Variants in NAA38 observed in about 807,000 individuals in gnomAD.
NAA38 encodes the protein N-alpha-acetyltransferase 38, NatC auxiliary subunit.
A neutral mutation model predicts 12.6 loss-of-function variants in NAA38; 15 were observed. The observed-to-expected ratio is 1.19, with a 90% CI of 0.79 to 1.83. NAA38 has a LOEUF of 1.83. Ranked by LOEUF, NAA38 falls within the 40% of genes most tolerant of loss-of-function variation. The probability of loss-of-function intolerance (pLI) is 0.00; values close to 1 mark genes in which losing one functional copy is unlikely to be tolerated. For synonymous variants in NAA38, 88 were observed against 69.9 expected, an observed-to-expected ratio of 1.26 and a Z score of -1.29; for missense variants, 183 against 171.7, an observed-to-expected ratio of 1.07 and a Z score of -0.37.
upstream of NAA38, chr17:7,857,787 A>C: frequency 1.5e-6 from 2 of 1,294,564 alleles, no homozygotes; most frequent in Non-Finnish European, 2.0e-6. Flanking sequence ...TCTCAGAGAG[A>C]TAGTCTGTCC....
intron 1 of NAA38, among the ~76,000 whole-genome samples, chr17:7,884,523 AG>A (rs1244408869): frequency 7.2e-6 from 1 of 139,540 alleles, no homozygotes; most frequent in Non-Finnish European, 1.5e-5. Context: ...TTCTCTTGGG[AG>A]GAAAGAGAGA....
intron 3 of NAA38, chr17:7,866,473 G>A: frequency 1.6e-6 from 2 of 1,231,436 alleles, no homozygotes; most frequent in South Asian, 4.1e-5. Flanking sequence ...CTCTTAAGAT[G>A]AACTTAGAAA....
upstream of NAA38, chr17:7,862,421 A>G (rs1174778269): frequency 6.6e-6 from 1 of 152,056 alleles, no homozygotes; most frequent in Non-Finnish European, 1.5e-5. Flanking sequence ...CTTCCCCAAT[A>G]TCCAAAACCA....
upstream of NAA38, chr17:7,859,299 C>T: frequency 1.8e-6 from 2 of 1,140,348 alleles, no homozygotes; most frequent in Non-Finnish European, 2.6e-6. Context: ...TGCTATCTGC[C>T]AAGGGAGGCA....
At chr17:7,867,985 T>C (rs951201473) in intron 2 of NAA38, among the ~76,000 whole-genome samples, 10 of 152,130 alleles carry the variant, frequency 6.6e-5, no homozygotes, top group African/African-American at 2.2e-4. Context: ...AGGAAAGTGA[T>C]GAATTTTTAG....
At chr17:7,867,835 G>A (rs1967016311) in intron 2 of NAA38, among the ~76,000 whole-genome samples, 1 of 152,168 alleles carries the variant, frequency 6.6e-6, no homozygotes, top group African/African-American at 2.4e-5. Context: ...AATGAAGAGA[G>A]AATTGCAGGA....
chr17:7,884,922 C>T, intron 1 of NAA38: 5 of 1,414,032 alleles, frequency 3.5e-6, no homozygotes, highest in South Asian at 3.0e-5. Context: ...GTGGAGGCGG[C>T]CGACGAGGAC....
chr17:7,859,720 ACTC>A (rs2078869088), upstream of NAA38: 3 of 922,082 alleles, frequency 3.3e-6, no homozygotes, highest in African/African-American at 4.8e-5. Context: ...CCAGATCTCC[ACTC>A]CTCTCCAGGA....
intron 1 of NAA38, chr17:7,884,907 A>T: frequency 2.2e-6 from 3 of 1,358,662 alleles, no homozygotes; most frequent in Non-Finnish European, 2.9e-6. Flanking sequence ...GAGGAGGAGG[A>T]GGAGGTGGAG....
upstream of NAA38, chr17:7,859,673 C>T: frequency 6.5e-7 from 1 of 1,537,486 alleles, no homozygotes; most frequent in Non-Finnish European, 9.0e-7. Flanking sequence ...TTTTCTGTGC[C>T]TTGAGGAAAA....
At chr17:7,857,723 C>G, upstream of NAA38, 1 of 1,292,428 alleles carries the variant, frequency 7.7e-7, no homozygotes, top group East Asian at 3.1e-5. Context: ...CCTTTAGAAA[C>G]TGGAATTTAG....
upstream of NAA38, chr17:7,857,991 C>T: frequency 6.7e-7 from 1 of 1,500,108 alleles, no homozygotes; most frequent in Non-Finnish European, 8.8e-7. Flanking sequence ...TGGACGGTGG[C>T]CGGAAAAGGA....
At chr17:7,870,531 C>CT (rs1294153373) in intron 2 of NAA38, among the ~76,000 whole-genome samples, 1 of 152,128 alleles carries the variant, frequency 6.6e-6, no homozygotes, top group Non-Finnish European at 1.5e-5. Flanking sequence ...TTATTAGGTA[C>CT]TGGAGGTACA....
At position 7,866,253 on chromosome 17, in the gene NAA38, AT is replaced by A. The variant is rs56289148; in HGVS notation, c.3+237del. On this transcript the variant is annotated intron_variant, in intron 3 of 4. Transcript: ENST00000576861. ...AGATGCCCGCCACCAAGCCCGGCTAATTTTTTTTTTTTTTTTTTTTTTTTTT... is the reference window on the plus strand; with the variant it reads ...AGATGCCCGCCACCAAGCCCGGCTAATTTTTTTTTTTTTTTTTTTTTTTTT... 0.015 allele frequency among the ~76,000 whole-genome samples: 1,376 copies of A among 90,534 alleles called. 62 individuals carry two copies. In the East Asian group the frequency reaches 0.18, roughly 12 times the overall value. The allele number at this position is 90,534 out of a possible 152,430, so 59.4% of individuals were successfully genotyped here.
At position 7,857,012 on chromosome 17, in the gene NAA38, G is replaced by C. The variant is rs2078824538; in HGVS notation, c.265+3C>G. The C allele has an allele frequency of 3.1e-6, 5 of 1,603,054 alleles. No homozygotes were observed. The highest frequency in any genetic ancestry group is 4.3e-6 in the Non-Finnish European group (5 of 1,172,262). On this transcript the variant is annotated splice_donor_region_variant and intron_variant, in intron 2 of 2. Coordinates refer to ENST00000575771, the MANE Select transcript of NAA38 (RefSeq NM_001320925.4). ...GGCGGGTGTGCATTCCCCGGGCACT[G>C]ACCCGACGGCTTGAGGAACTCCTGC...
chr17:7,857,691 T>C, upstream of NAA38: 1 of 1,315,762 alleles, frequency 7.6e-7, no homozygotes, highest in Non-Finnish European at 9.7e-7. Context: ...CGCGAGACCT[T>C]TACCTCTGGT....
chr17:7,870,579 A>C (rs1967068371), intron 2 of NAA38, among the ~76,000 whole-genome samples: 6 of 152,148 alleles, frequency 3.9e-5, no homozygotes, highest in Non-Finnish European at 7.4e-5. Context: ...AGTTACTTCT[A>C]TTTTAAAATT....
At position 7,857,201 on chromosome 17, in the gene NAA38, G is replaced by C; in HGVS notation, c.82-3C>G. 6.2e-7 allele frequency: 1 copy of C among 1,612,976 alleles called. No individual in the cohort carries two copies. Among genetic ancestry groups the C allele is most frequent in the Admixed American group, 1.7e-5 (1 of 60,032 alleles). ...TCCTCGCGCTCTCCGTCCGAATCCT[G>C]CGCGGGGTGTAACAAGCGCTCAGAC... is the stretch of plus-strand genomic sequence containing the variant. On this transcript the variant is annotated splice_region_variant and splice_polypyrimidine_tract_variant and intron_variant, in intron 1 of 2. Coordinates refer to ENST00000575771, the MANE Select transcript of NAA38 (RefSeq NM_001320925.4).
At position 7,866,648 on chromosome 17, in the gene NAA38, C is replaced by T. The variant is rs747691939; in HGVS notation, c.-65-90G>A. On this transcript the variant is annotated intron_variant, in intron 2 of 4. Transcript: ENST00000576861. ...CCACCCACCACTCTTCAGTTGGCCACCTGGCTCCTTAAAGTTGCTTAAATG... is the reference window on the plus strand; with the variant it reads ...CCACCCACCACTCTTCAGTTGGCCATCTGGCTCCTTAAAGTTGCTTAAATG... 2.0e-5 allele frequency: 12 copies of T among 586,928 alleles called. No homozygotes were observed. In the South Asian group the frequency reaches 2.6e-4, roughly 13 times the overall value. 36.4% of individuals were successfully genotyped at this position (586,928 alleles called of 1,614,324 possible).
Sources: allele counts gnomAD v4.1 joint callset (sites outside exome capture counted in the v4.1 genomes callset), GRCh38; gene constraint gnomAD v4.1.1; transcripts MANE v1.5; gene names NCBI Gene and HGNC (gene_info 2026-07-23, HGNC 2026-07-21).